Variants in ATXN1 observed in about 807,000 individuals in gnomAD.
ATXN1 encodes the protein ataxin-1.
Under a neutral mutation model 56.4 loss-of-function variants are expected in ATXN1, and 8 were observed. The observed-to-expected ratio is 0.14, with a 90% CI of 0.08 to 0.26. The LOEUF is 0.26. Ranked by LOEUF, ATXN1 falls within the 10% of genes least tolerant of loss-of-function variation. The pLI is 1.00. For missense variants in ATXN1, 987 were observed against 1,106.5 expected (o/e 0.89, Z 1.53); for synonymous variants, 514 against 494.6 (o/e 1.04, Z -0.52).
intron 3 of ATXN1, among the ~76,000 whole-genome samples, chr6:16,636,530 T>C (rs898121537): frequency 6.6e-6 from 1 of 152,234 alleles, no homozygotes; most frequent in East Asian, 1.9e-4. Context: ...CACCCTGCTC[T>C]GCCTGATGCA....
chr6:16,415,723 G>A (rs1333894175), intron 6 of ATXN1, among the ~76,000 whole-genome samples: 4 of 152,188 alleles, frequency 2.6e-5, no homozygotes, highest in African/African-American at 9.6e-5. Context: ...TTTACCCTTT[G>A]CCTGTCTGGC....
chr6:16,440,403 T>G (rs1391652956), intron 6 of ATXN1, among the ~76,000 whole-genome samples: 1 of 147,532 alleles, frequency 6.8e-6, no homozygotes, highest in Non-Finnish European at 1.5e-5. Context: ...AATAGTTGGA[T>G]AGAGAGAGGC....
At chr6:16,408,439 G>A (rs1446967098) in intron 6 of ATXN1, among the ~76,000 whole-genome samples, 1 of 151,214 alleles carries the variant, frequency 6.6e-6, no homozygotes, top group Non-Finnish European at 1.5e-5. Flanking sequence ...TGTTAAAGAA[G>A]TATTGTCTTA....
intron 3 of ATXN1, among the ~76,000 whole-genome samples, chr6:16,622,332 T>C (rs1398063109): frequency 1.3e-5 from 2 of 152,126 alleles, no homozygotes; most frequent in Non-Finnish European, 2.9e-5. Context: ...CATAAAACCA[T>C]GTGCTCTAGG....
chr6:16,402,996 A>G (rs1758609285), intron 6 of ATXN1, among the ~76,000 whole-genome samples: 1 of 152,228 alleles, frequency 6.6e-6, no homozygotes, highest in Non-Finnish European at 1.5e-5. Flanking sequence ...AAATCTGTAG[A>G]TAGTGAATTT....
At chr6:16,638,959 C>T (rs186671564) in intron 3 of ATXN1, among the ~76,000 whole-genome samples, 7 of 151,354 alleles carry the variant, frequency 4.6e-5, no homozygotes, top group Admixed American at 2.6e-4. Context: ...CTTCTTGGGT[C>T]GAGTGGGGAC....
intron 6 of ATXN1, among the ~76,000 whole-genome samples, chr6:16,369,706 T>C (rs1448538019): frequency 1.3e-5 from 2 of 152,234 alleles, no homozygotes; most frequent in African/African-American, 4.8e-5. Context: ...ACTTAAATGC[T>C]AGCTTACCTT....
At chr6:16,401,483 G>A (rs1758568619) in intron 6 of ATXN1, among the ~76,000 whole-genome samples, 1 of 152,292 alleles carries the variant, frequency 6.6e-6, no homozygotes, top group African/African-American at 2.4e-5. Flanking sequence ...ACATGTGCCT[G>A]CAGTCCCAGC....
chr6:16,550,933 A>G lies in ATXN1; in HGVS notation c.-360-28245T>C, dbSNP rs75903535. On this transcript the variant is annotated intron_variant, in intron 4 of 7. Coordinates refer to ENST00000436367, the MANE Select transcript of ATXN1 (RefSeq NM_001128164.2). ...TGAGTTACTCCTAGCCCCATTTTAC[A>G]GATGATAAATTAAGGCAGAGGTTAT... Among the ~76,000 whole-genome samples, 1,147 of 152,294 alleles carry G rather than the reference A, an allele frequency of 7.5e-3. 14 individuals carry two copies. The highest frequency in any genetic ancestry group is 0.027 in the African/African-American group (1,105 of 41,566).
At chr6:16,733,620 C>T (rs1219854750) in intron 2 of ATXN1, among the ~76,000 whole-genome samples, 1 of 151,922 alleles carries the variant, frequency 6.6e-6, no homozygotes, top group Non-Finnish European at 1.5e-5. Flanking sequence ...AATCCCGGTA[C>T]TTTGGGAGGC....
intron 7 of ATXN1, among the ~76,000 whole-genome samples, chr6:16,322,424 G>A (rs1293437752): frequency 1.3e-5 from 2 of 152,104 alleles, no homozygotes; most frequent in Non-Finnish European, 2.9e-5. Flanking sequence ...GGTCTTATGA[G>A]TTCAGGCATC....
intron 2 of ATXN1, among the ~76,000 whole-genome samples, chr6:16,681,766 C>T (rs887400164): frequency 2.0e-5 from 3 of 152,330 alleles, no homozygotes; most frequent in African/African-American, 2.4e-5. Flanking sequence ...CATTATGCAA[C>T]TTCCCAAGAA....
intron 7 of ATXN1, among the ~76,000 whole-genome samples, chr6:16,325,777 A>C (rs1409958114): frequency 1.3e-5 from 2 of 152,118 alleles, no homozygotes; most frequent in Non-Finnish European, 2.9e-5. Context: ...TATATGTTGG[A>C]GACCGGGCCT....
chr6:16,576,485 TCAGA>T (rs2113755665), intron 4 of ATXN1, among the ~76,000 whole-genome samples: 1 of 152,362 alleles, frequency 6.6e-6, no homozygotes, highest in South Asian at 2.1e-4. Flanking sequence ...GAATCTGTAT[TCAGA>T]CACTTATTGA....
chr6:16,540,829 T>C (rs1761700994), intron 4 of ATXN1, among the ~76,000 whole-genome samples: 1 of 152,200 alleles, frequency 6.6e-6, no homozygotes. Context: ...AACAGAGCCT[T>C]CTACTGAAAG....
chr6:16,434,528 G>A (rs1759349597), intron 6 of ATXN1, among the ~76,000 whole-genome samples: 1 of 152,184 alleles, frequency 6.6e-6, no homozygotes, highest in African/African-American at 2.4e-5. Context: ...TTAAAATAGA[G>A]AATACATGTT....
chr6:16,628,004 A>G (rs1466979748), intron 3 of ATXN1, among the ~76,000 whole-genome samples: 2 of 152,372 alleles, frequency 1.3e-5, no homozygotes, highest in East Asian at 3.9e-4. Flanking sequence ...CTACAATAGA[A>G]CAGTAGACAC....
At chr6:16,312,740 C>T (rs953265911) in intron 7 of ATXN1, among the ~76,000 whole-genome samples, 1 of 152,160 alleles carries the variant, frequency 6.6e-6, no homozygotes, top group African/African-American at 2.4e-5. Flanking sequence ...AAGAAGTTCT[C>T]AACCTTCTTG....
intron 2 of ATXN1, chr6:16,738,005 G>A (rs773604935): frequency 1.3e-5 from 2 of 152,140 alleles, no homozygotes; most frequent in African/African-American, 2.4e-5. Context: ...TATTCCTCGA[G>A]AAGCTTTCTC....
Sources: allele counts gnomAD v4.1 joint callset (sites outside exome capture counted in the v4.1 genomes callset), GRCh38; gene constraint gnomAD v4.1.1; transcripts MANE v1.5; gene names NCBI Gene and HGNC (gene_info 2026-07-23, HGNC 2026-07-21).